DGKB: variants seen among roughly 807,000 people sequenced by gnomAD.
DGKB encodes the protein diacylglycerol kinase beta.
DGKB carries 67 observed loss-of-function variants against 114.3 expected under a neutral mutation model. The observed-to-expected ratio is 0.59, with a 90% CI of 0.48 to 0.72. DGKB has a LOEUF of 0.72. Ranked by LOEUF, DGKB falls within the 30% of genes least tolerant of loss-of-function variation. DGKB has a pLI of 0.00. For missense variants in DGKB, 907 were observed against 975.2 expected (o/e 0.93, Z 0.93); for synonymous variants, 398 against 323.1 (o/e 1.23, Z -2.49).
At chr7:14,231,119 C>CTTTG (rs1223412810) in intron 23 of DGKB, among the ~76,000 whole-genome samples, 1 of 125,060 alleles carries the variant, frequency 8.0e-6, no homozygotes, top group Non-Finnish European at 1.7e-5. Context: ...TTCTTTCTTT[C>CTTTG]TTTCTTTCTT....
At chr7:14,904,351 C>A (rs1783548213), upstream of DGKB, among the ~76,000 whole-genome samples, 1 of 152,090 alleles carries the variant, frequency 6.6e-6, no homozygotes, top group Non-Finnish European at 1.5e-5. Context: ...ATTATTTCTG[C>A]CTCTGAGTAC....
chr7:14,762,554 G>C (rs1245558448), intron 2 of DGKB, among the ~76,000 whole-genome samples: 1 of 152,088 alleles, frequency 6.6e-6, no homozygotes, highest in Non-Finnish European at 1.5e-5. Flanking sequence ...TTTAGAAAAT[G>C]CAAATAGATC....
At chr7:14,647,125 A>C (rs1398028988) in intron 13 of DGKB, among the ~76,000 whole-genome samples, 1 of 152,050 alleles carries the variant, frequency 6.6e-6, no homozygotes, top group African/African-American at 2.4e-5. Context: ...AAAAAAGGAG[A>C]CATTACAACT....
At chr7:14,829,144 G>A (rs1440043990) in intron 2 of DGKB, among the ~76,000 whole-genome samples, 5 of 152,070 alleles carry the variant, frequency 3.3e-5, no homozygotes, top group Admixed American at 2.6e-4. Flanking sequence ...TTCATGGGTA[G>A]GGGTGCATCA....
At chr7:14,802,184 A>G (rs767636575) in intron 2 of DGKB, among the ~76,000 whole-genome samples, 4 of 152,126 alleles carry the variant, frequency 2.6e-5, no homozygotes, top group Admixed American at 2.6e-4. Context: ...GATAATTTTA[A>G]TCATTGCTAA....
At chr7:14,424,670 G>T (rs907872215) in intron 21 of DGKB, among the ~76,000 whole-genome samples, 1 of 151,928 alleles carries the variant, frequency 6.6e-6, no homozygotes, top group Non-Finnish European at 1.5e-5. Flanking sequence ...CTTCAAACCG[G>T]GTCTCCGGAT....
At chr7:14,425,592 T>C (rs1827390212) in intron 21 of DGKB, among the ~76,000 whole-genome samples, 1 of 152,148 alleles carries the variant, frequency 6.6e-6, no homozygotes, top group Non-Finnish European at 1.5e-5. Flanking sequence ...AGCATTAATC[T>C]GATAGTCAGT....
At chr7:14,416,439 T>C (rs1489347398) in intron 21 of DGKB, among the ~76,000 whole-genome samples, 1 of 152,134 alleles carries the variant, frequency 6.6e-6, no homozygotes, top group African/African-American at 2.4e-5. Context: ...TTATGGGTTA[T>C]GACCAAAATC....
intron 5 of DGKB, among the ~76,000 whole-genome samples, chr7:14,724,694 A>C (rs1829753049): frequency 1.3e-5 from 2 of 152,344 alleles, no homozygotes; most frequent in South Asian, 4.1e-4. Context: ...CAGTGGTCTT[A>C]TTTGACCCTA....
chr7:14,364,545 G>C (rs1816322468), intron 21 of DGKB, among the ~76,000 whole-genome samples: 1 of 151,962 alleles, frequency 6.6e-6, no homozygotes, highest in African/African-American at 2.4e-5. Flanking sequence ...CTATCATCTT[G>C]CTAATACTTA....
At chr7:14,507,309 T>C (rs1787245617) in intron 20 of DGKB, among the ~76,000 whole-genome samples, 1 of 152,166 alleles carries the variant, frequency 6.6e-6, no homozygotes, top group African/African-American at 2.4e-5. Context: ...AAATTAAAAT[T>C]AGTATTTAGA....
At chr7:14,772,029 A>G (rs1837498635) in intron 2 of DGKB, among the ~76,000 whole-genome samples, 1 of 152,162 alleles carries the variant, frequency 6.6e-6, no homozygotes. Flanking sequence ...GAAAATGTTT[A>G]AATTTACCTA....
At chr7:14,746,587 C>T (rs568181407) in intron 4 of DGKB, among the ~76,000 whole-genome samples, 1 of 152,232 alleles carries the variant, frequency 6.6e-6, no homozygotes, top group South Asian at 2.1e-4. Context: ...CAACTTCCGC[C>T]TCCTGGGTTC....
chr7:14,798,336 G>A, intron 2 of DGKB, among the ~76,000 whole-genome samples: 1 of 152,116 alleles, frequency 6.6e-6, no homozygotes, highest in East Asian at 1.9e-4. Flanking sequence ...TTGTTAGTCA[G>A]GCATCTTCTC....
rs1781357798 is a variant in DGKB at position 14,145,252 on chromosome 7, A to T, written c.*3879T>A. 6.6e-6 allele frequency: 1 copy of T among 152,120 alleles called. No individual in the cohort carries two copies. Among genetic ancestry groups the T allele is most frequent in the South Asian group, 2.1e-4 (1 of 4,822 alleles). 9.4% of individuals were successfully genotyped at this position (152,120 alleles called of 1,614,324 possible). A position where few individuals can be genotyped will look rare whatever the true frequency, so the allele number is the denominator to read the frequency against. Reference sequence around the variant, plus strand: ...TAAGTGGTGATTTCTGCCTCTCACAAAATAAAAGCTCTTTTACAGGGTTTT... The same window carrying T: ...TAAGTGGTGATTTCTGCCTCTCACATAATAAAAGCTCTTTTACAGGGTTTT... On this transcript the variant is annotated 3_prime_UTR_variant, in exon 26 of 26. Transcript: ENST00000402815.
chr7:14,701,666 G>C lies in DGKB; in HGVS notation c.516+15C>G. The stretch of plus-strand genomic sequence containing the variant: ...TCTTTGAAGTTTTCACAGAAACTTT[G>C]AAGAAAAAAATTACCGAGCTGTCCA... On this transcript the variant is annotated intron_variant, in intron 7 of 25. Coordinates refer to ENST00000402815, the MANE Select transcript of DGKB (RefSeq NM_001350709.2). The C allele has an allele frequency of 6.3e-7, 1 of 1,591,458 alleles. No homozygotes were observed. Among genetic ancestry groups the C allele is most frequent in the East Asian group, 2.2e-5 (1 of 44,680 alleles).
chr7:14,346,404 G>A (rs1366620819), intron 21 of DGKB, among the ~76,000 whole-genome samples: 1 of 151,756 alleles, frequency 6.6e-6, no homozygotes, highest in Non-Finnish European at 1.5e-5. Flanking sequence ...AAAATACAAA[G>A]CAATGTTATA....
In DGKB at chr7:14,757,701, T is replaced by C. The variant is rs1355918054; in HGVS notation, c.101A>G (p.Glu34Gly). 1.2e-6 allele frequency: 2 copies of C among 1,605,142 alleles called. No individual in the cohort carries two copies. Among genetic ancestry groups the C allele is most frequent in the Non-Finnish European group, 1.7e-6 (2 of 1,173,604 alleles). ...YSTKKLKDVLEEFHGNGVLAK... is the reference protein window; with the variant it reads ...YSTKKLKDVLGEFHGNGVLAK... ...AAGCACACCATTACCATGGAATTCT[T>C]CAAGAACATCCTTTAATTTCTTTGT... is the stretch of plus-strand genomic sequence containing the variant. The change falls in exon 3 of 26, where the codon GAA becomes GGA. Residue 34 changes from glutamate (E) to glycine (G), a missense_variant. Physicochemically the swap from Glu to Gly is moderately conservative, Grantham distance 98. Around this residue, in one of 3 missense-constraint regions of DGKB, gnomAD observed 814 missense variants for 856.6 expected, o/e 0.95. Transcript: ENST00000402815.
intron 21 of DGKB, among the ~76,000 whole-genome samples, chr7:14,423,194 C>T (rs1166146526): frequency 6.6e-6 from 1 of 151,994 alleles, no homozygotes; most frequent in Non-Finnish European, 1.5e-5. Context: ...GATTGCTAGA[C>T]AATAGTCAGC....
Sources: allele counts gnomAD v4.1 joint callset (sites outside exome capture counted in the v4.1 genomes callset), GRCh38; gene constraint gnomAD v4.1.1; regional missense constraint gnomAD v4.1.1; transcripts MANE v1.5; gene names NCBI Gene and HGNC (gene_info 2026-07-23, HGNC 2026-07-21).